The following ITPR2 variants were observed in gnomAD, a reference collection of about 807,000 sequenced individuals.
ITPR2 encodes inositol 1,4,5-trisphosphate-gated calcium channel ITPR2.
Under a neutral mutation model 317.1 loss-of-function variants are expected in ITPR2, and 207 were observed. That is an observed-to-expected ratio of 0.65 (90% CI 0.58 to 0.73). The LOEUF is 0.73. Ranked by LOEUF, ITPR2 falls within the 30% of genes least tolerant of loss-of-function variation. ITPR2 has a pLI of 0.00. For synonymous variants in ITPR2, 1,156 were observed against 1,149.1 expected (o/e 1.01, Z -0.12); for missense variants, 2,613 against 3,284.0 (o/e 0.80, Z 4.99).
At chr12:26,498,672 T>A (rs1222109746) in intron 37 of ITPR2, among the ~76,000 whole-genome samples, 1 of 152,158 alleles carries the variant, frequency 6.6e-6, no homozygotes, top group Admixed American at 6.5e-5. Flanking sequence ...AGAAGACAGT[T>A]GGCCCACCTG....
intron 26 of ITPR2, among the ~76,000 whole-genome samples, chr12:26,604,293 T>C (rs945912891): frequency 6.6e-6 from 1 of 152,224 alleles, no homozygotes; most frequent in Non-Finnish European, 1.5e-5. Context: ...GCTCCCAGTC[T>C]CAACTTCACT....
At chr12:26,760,684 G>A (rs911023554) in intron 2 of ITPR2, among the ~76,000 whole-genome samples, 1 of 152,184 alleles carries the variant, frequency 6.6e-6, no homozygotes, top group African/African-American at 2.4e-5. Flanking sequence ...AAACAGTTAT[G>A]CATATTATTA....
intron 13 of ITPR2, among the ~76,000 whole-genome samples, chr12:26,672,348 A>C (rs926506002): frequency 2.0e-5 from 3 of 152,170 alleles, no homozygotes; most frequent in Non-Finnish European, 2.9e-5. Context: ...ATAACAAACT[A>C]TCTCTCAGAC....
chr12:26,355,708 C>T (rs1189980276), intron 55 of ITPR2, among the ~76,000 whole-genome samples: 1 of 152,218 alleles, frequency 6.6e-6, no homozygotes, highest in East Asian at 1.9e-4. Flanking sequence ...TTCCAAATAC[C>T]TTTTTCTAGA....
At chr12:26,832,575 T>C in intron 1 of ITPR2, 115 bp downstream of exon 1, 1 of 703,304 alleles carries the variant, frequency 1.4e-6, no homozygotes, top group Non-Finnish European at 2.2e-6. Flanking sequence ...GCGCCGACCC[T>C]GCCCGGCCGG....
chr12:26,500,987 T>C (rs1591834512), intron 37 of ITPR2, among the ~76,000 whole-genome samples: 1 of 152,286 alleles, frequency 6.6e-6, no homozygotes, highest in East Asian at 1.9e-4. Flanking sequence ...TTTCATTATG[T>C]AAAATATAAT....
chr12:26,483,387 G>T (rs1942588566), intron 42 of ITPR2, among the ~76,000 whole-genome samples: 1 of 152,168 alleles, frequency 6.6e-6, no homozygotes, highest in South Asian at 2.1e-4. Flanking sequence ...AGGAGCCAAA[G>T]AAAGTTTATT....
intron 37 of ITPR2, among the ~76,000 whole-genome samples, chr12:26,529,376 A>G (rs1331151399): frequency 6.6e-6 from 1 of 152,164 alleles, no homozygotes; most frequent in African/African-American, 2.4e-5. Context: ...ATGGTTCTCA[A>G]ACCAGGAATC....
At chr12:26,593,803 G>C (rs73292119) in intron 32 of ITPR2, among the ~76,000 whole-genome samples, 2 of 150,948 alleles carry the variant, frequency 1.3e-5, no homozygotes, top group Non-Finnish European at 2.9e-5. Flanking sequence ...CAAATACATC[G>C]GTGAAAACGG....
chr12:26,658,144 A>C lies in ITPR2; in HGVS notation c.1887-14T>G. ...TAATCCAAAAACCTGGCAAAAGAAA[A>C]AAATTAAATGGAATATGAAGACAAA... On this transcript the variant is annotated splice_polypyrimidine_tract_variant and intron_variant, in intron 16 of 56. Coordinates refer to ENST00000381340, the MANE Select transcript of ITPR2 (RefSeq NM_002223.4). 1 of 1,542,690 alleles carries C rather than the reference A, an allele frequency of 6.5e-7. No homozygotes were observed. Among genetic ancestry groups the C allele is most frequent in the Non-Finnish European group, 8.7e-7 (1 of 1,144,122 alleles).
In ITPR2 at chr12:26,717,216, G is replaced by A. The variant is rs1948755122; in HGVS notation, c.526-974C>T. On this transcript the variant is annotated intron_variant, in intron 5 of 56. Transcript: ENST00000381340. Reference sequence around the variant, plus strand: ...AATATTAGAATAAATTAGTTTGATAGATAAATGATAAAACAAATCAGGATT... The same window carrying A: ...AATATTAGAATAAATTAGTTTGATAAATAAATGATAAAACAAATCAGGATT... 2.0e-5 allele frequency among the ~76,000 whole-genome samples: 3 copies of A among 152,096 alleles called. No individual in the cohort carries two copies. The South Asian group carries it at 6.2e-4, about 32-fold the overall frequency.
chr12:26,615,881 AT>A (rs1946362345), intron 26 of ITPR2, among the ~76,000 whole-genome samples: 1 of 152,112 alleles, frequency 6.6e-6, no homozygotes, highest in Non-Finnish European at 1.5e-5. Context: ...TAAATATAGT[AT>A]TTAAACAGAA....
At chr12:26,593,324 A>G (rs575300765) in intron 32 of ITPR2, among the ~76,000 whole-genome samples, 1 of 152,330 alleles carries the variant, frequency 6.6e-6, no homozygotes, top group East Asian at 1.9e-4. Context: ...GATGCTCACT[A>G]AAGCTTAAAA....
chr12:26,789,388 G>A (rs1229669364), intron 2 of ITPR2, among the ~76,000 whole-genome samples: 1 of 152,164 alleles, frequency 6.6e-6, no homozygotes, highest in Admixed American at 6.5e-5. Context: ...TTGGGCTGGT[G>A]CTCTGAGAAT....
At chr12:26,709,147 G>C (rs11836383) in intron 9 of ITPR2, among the ~76,000 whole-genome samples, 1,825 of 152,268 alleles carry the variant, frequency 0.012, 40 homozygotes, top group African/African-American at 0.041. Context: ...CCAATGTATG[G>C]ATGCCAGGAT....
chr12:26,652,944 T>C (rs1188322288), intron 21 of ITPR2, among the ~76,000 whole-genome samples: 1 of 152,238 alleles, frequency 6.6e-6, no homozygotes, highest in East Asian at 1.9e-4. Flanking sequence ...AAACTTTGTA[T>C]TGACTTATGA....
chr12:26,381,872 G>C (rs1300074676), intron 55 of ITPR2, among the ~76,000 whole-genome samples: 2 of 152,094 alleles, frequency 1.3e-5, no homozygotes, highest in Admixed American at 6.5e-5. Flanking sequence ...ACAGACCTCT[G>C]GTTTGGATCC....
chr12:26,370,952 C>T lies in ITPR2; in HGVS notation c.7857+16482G>A, dbSNP rs570753809. ...CCTCCCAAAGTGCTGGGATTACAGGCGTGAGCCACTGCGTCCGGCCAAACA... is the reference window on the plus strand; with the variant it reads ...CCTCCCAAAGTGCTGGGATTACAGGTGTGAGCCACTGCGTCCGGCCAAACA... On this transcript the variant is annotated intron_variant, in intron 55 of 56. Transcript: ENST00000381340. Among the ~76,000 whole-genome samples the T allele has an allele frequency of 2.8e-4, 43 of 152,340 alleles. No homozygotes were observed. In the East Asian group the frequency reaches 7.7e-3, roughly 27 times the overall value.
rs114640800 is a variant in ITPR2 at position 26,644,901 on chromosome 12, G to A, written c.2740+9075C>T. 6.2e-3 allele frequency among the ~76,000 whole-genome samples: 945 copies of A among 152,230 alleles called. 13 individuals are homozygous for A. The highest frequency in any genetic ancestry group is 0.022 in the African/African-American group (902 of 41,550). On this transcript the variant is annotated intron_variant, in intron 21 of 56. Coordinates refer to ENST00000381340, the MANE Select transcript of ITPR2 (RefSeq NM_002223.4). ...TATTTTTGTTACAGTAGCCCAGGCC[G>A]ACTAAGACAACTAGTCTGAAGACAG...
Sources: gnomAD v4.1 joint callset for allele counts (sites outside exome capture counted in the v4.1 genomes callset) on GRCh38, gnomAD v4.1.1 for gene constraint, MANE v1.5 for transcripts, NCBI Gene and HGNC (gene_info 2026-07-23, HGNC 2026-07-21) for gene names.